Variants in RNGTT observed in about 807,000 individuals in gnomAD.
RNGTT encodes the protein RNA guanylyltransferase and 5'-phosphatase.
RNGTT carries 33 observed loss-of-function variants against 79.3 expected under a neutral mutation model. The ratio of observed to expected loss-of-function variants is 0.42; its 90% CI spans 0.32 to 0.56. The LOEUF (loss-of-function observed/expected upper bound fraction) is 0.56. RNGTT is among the 20% of genes least tolerant of loss of function. RNGTT has a pLI of 0.17. For missense variants in RNGTT, 497 were observed against 739.1 expected (o/e 0.67, Z 3.80); for synonymous variants, 222 against 235.9 (o/e 0.94, Z 0.54).
At chr6:88,657,899 T>A (rs1209424584) in intron 14 of RNGTT, among the ~76,000 whole-genome samples, 1 of 152,160 alleles carries the variant, frequency 6.6e-6, no homozygotes, top group East Asian at 1.9e-4. Flanking sequence ...AGTGTCTGCA[T>A]TAAGCCCTGC....
intron 11 of RNGTT, among the ~76,000 whole-genome samples, chr6:88,828,692 C>T (rs1431557737): frequency 2.0e-5 from 3 of 151,502 alleles, no homozygotes; most frequent in Non-Finnish European, 3.0e-5. Flanking sequence ...AGAGAACATA[C>T]ATGACCTGAG....
chr6:88,897,981 G>A (rs1783310660), intron 6 of RNGTT, among the ~76,000 whole-genome samples: 1 of 152,080 alleles, frequency 6.6e-6, no homozygotes, highest in Non-Finnish European at 1.5e-5. Context: ...GAGAGCACAA[G>A]AAAGCCTACA....
chr6:88,875,162 T>C (rs1782478632), intron 8 of RNGTT, among the ~76,000 whole-genome samples: 1 of 152,090 alleles, frequency 6.6e-6, no homozygotes, highest in Non-Finnish European at 1.5e-5. Flanking sequence ...GCAATGCAAT[T>C]TGAATTACCA....
chr6:88,876,689 T>C (rs1057414708), intron 8 of RNGTT, among the ~76,000 whole-genome samples: 1 of 152,242 alleles, frequency 6.6e-6, no homozygotes, highest in African/African-American at 2.4e-5. Context: ...TCTCATTTGT[T>C]TGGGTCCAGT....
rs545331546 is a variant in RNGTT, at chr6:88,704,481, C to T, written c.1440-26062G>A. On this transcript the variant is annotated intron_variant, in intron 13 of 15. Coordinates refer to ENST00000369485, the MANE Select transcript of RNGTT (RefSeq NM_003800.5). Reference sequence around the variant, plus strand: ...TGATCAAGACAGGAGTGAATCATTTCACTCTCCTTTATGATCAAAGAGACA... The same window carrying T: ...TGATCAAGACAGGAGTGAATCATTTTACTCTCCTTTATGATCAAAGAGACA... Among the ~76,000 whole-genome samples the T allele has an allele frequency of 1.1e-4, 17 of 152,136 alleles. 1 individual carries two copies. The South Asian group carries it at 3.5e-3, about 32-fold the overall frequency.
intron 11 of RNGTT, among the ~76,000 whole-genome samples, chr6:88,806,176 T>C (rs2127866714): frequency 6.6e-6 from 1 of 151,846 alleles, no homozygotes; most frequent in Admixed American, 6.6e-5. Flanking sequence ...AAAGGAAAAA[T>C]AAATGGCCTA....
chr6:88,892,042 T>A, intron 6 of RNGTT, 127 bp from the exon 7 acceptor site: 1 of 621,388 alleles, frequency 1.6e-6, no homozygotes, highest in Non-Finnish European at 2.6e-6. Flanking sequence ...TCAATATATC[T>A]AACAGAAACG....
chr6:88,610,536 C>G lies in RNGTT; in HGVS notation c.*2183G>C, dbSNP rs562958820. On this transcript the variant is annotated 3_prime_UTR_variant, in exon 16 of 16. Coordinates refer to ENST00000369485, the MANE Select transcript of RNGTT (RefSeq NM_003800.5). ...AAGGAGCACATTTCCTTCACAATGT[C>G]CAAAATCCTGCCTCTAGATTATCCC... 6.6e-6 allele frequency: 1 copy of G among 152,196 alleles called. No individual in the cohort carries two copies. Among genetic ancestry groups the G allele is most frequent in the Non-Finnish European group, 1.5e-5 (1 of 68,026 alleles). 9.4% of individuals were successfully genotyped at this position (152,196 alleles called of 1,614,324 possible).
At chr6:88,898,520 T>C (rs1783328838) in intron 6 of RNGTT, among the ~76,000 whole-genome samples, 1 of 151,984 alleles carries the variant, frequency 6.6e-6, no homozygotes, top group Non-Finnish European at 1.5e-5. Flanking sequence ...TATGGATTGA[T>C]AGCCTCTCTT....
At chr6:88,678,110 CAGAGTAGCTGGGACT>C in intron 14 of RNGTT, 1 of 527,970 alleles carries the variant, frequency 1.9e-6, no homozygotes, top group Non-Finnish European at 2.6e-6. Flanking sequence ...CCTCAGCCTC[CAGAGTAGCTGGGACT>C]ATAGGCACAT....
chr6:88,698,219 T>TGA (rs1562202089), intron 13 of RNGTT, among the ~76,000 whole-genome samples: 1 of 87,898 alleles, frequency 1.1e-5, no homozygotes, highest in Admixed American at 1.1e-4. Context: ...GAAATATATA[T>TGA]ATCATATATA....
intron 13 of RNGTT, among the ~76,000 whole-genome samples, chr6:88,729,062 T>C (rs979102947): frequency 9.9e-5 from 15 of 152,188 alleles, no homozygotes; most frequent in African/African-American, 3.6e-4. Flanking sequence ...TAACACATCA[T>C]GCCAAGCTCG....
At chr6:88,777,965 T>A (rs951111540) in intron 12 of RNGTT, among the ~76,000 whole-genome samples, 1 of 152,210 alleles carries the variant, frequency 6.6e-6, no homozygotes, top group Non-Finnish European at 1.5e-5. Flanking sequence ...GAAAATTTTC[T>A]TCTATACCTA....
At chr6:88,771,506 A>G (rs954899759) in intron 12 of RNGTT, among the ~76,000 whole-genome samples, 1 of 151,718 alleles carries the variant, frequency 6.6e-6, no homozygotes, top group African/African-American at 2.4e-5. Flanking sequence ...CTCCTTTTTC[A>G]AAACACTTTT....
At chr6:88,694,683 T>C (rs570056131) in intron 13 of RNGTT, among the ~76,000 whole-genome samples, 1 of 152,300 alleles carries the variant, frequency 6.6e-6, no homozygotes, top group South Asian at 2.1e-4. Context: ...ACACTACTAC[T>C]AATTTCAAAC....
chr6:88,634,313 C>A (rs978950062), intron 14 of RNGTT, among the ~76,000 whole-genome samples: 3 of 152,118 alleles, frequency 2.0e-5, no homozygotes, highest in African/African-American at 7.2e-5. Context: ...TCCCTGTCTG[C>A]CAGTCTAAAA....
intron 11 of RNGTT, among the ~76,000 whole-genome samples, chr6:88,822,628 C>T (rs1195140256): frequency 1.3e-5 from 2 of 152,200 alleles, no homozygotes; most frequent in East Asian, 3.8e-4. Context: ...TCTCCATCTA[C>T]TGTCAACTAC....
chr6:88,622,415 C>T (rs1256130437), intron 14 of RNGTT, among the ~76,000 whole-genome samples: 1 of 152,052 alleles, frequency 6.6e-6, no homozygotes, highest in East Asian at 1.9e-4. Context: ...TCTCATGTGG[C>T]TTCTACTTTT....
At chr6:88,837,528 T>C (rs373950655) in intron 11 of RNGTT, among the ~76,000 whole-genome samples, 6 of 151,668 alleles carry the variant, frequency 4.0e-5, no homozygotes, top group Admixed American at 2.0e-4. Context: ...TTACAACATA[T>C]CAAGATTATT....
Sources: allele counts gnomAD v4.1 joint callset (sites outside exome capture counted in the v4.1 genomes callset), GRCh38; gene constraint gnomAD v4.1.1; transcripts MANE v1.5; gene names NCBI Gene and HGNC (gene_info 2026-07-23, HGNC 2026-07-21).